ULK4: variants seen among roughly 807,000 people sequenced by gnomAD.
ULK4 encodes inactive serine/threonine-protein kinase ULK4.
ULK4 carries 133 observed loss-of-function variants against 160.6 expected under a neutral mutation model. That is an observed-to-expected ratio of 0.83 (90% CI 0.72 to 0.96). The LOEUF (loss-of-function observed/expected upper bound fraction) is 0.96, where lower values mean the gene tolerates loss of function less well. Ranked by LOEUF, ULK4 falls within the 40% of genes least tolerant of loss-of-function variation. ULK4 has a pLI of 0.00. For synonymous variants in ULK4, 534 were observed against 539.8 expected (o/e 0.99, Z 0.15); for missense variants, 1,580 against 1,499.5 (o/e 1.05, Z -0.89).
chr3:41,376,379 C>A (rs1052971118), intron 35 of ULK4, among the ~76,000 whole-genome samples: 9 of 150,012 alleles, frequency 6.0e-5, no homozygotes, highest in Non-Finnish European at 1.2e-4. Context: ...AACCCAAATG[C>A]CCATCAATGA....
At chr3:41,655,452 C>T (rs1264181685) in intron 30 of ULK4, among the ~76,000 whole-genome samples, 4 of 151,926 alleles carry the variant, frequency 2.6e-5, no homozygotes, top group Non-Finnish European at 5.9e-5. Context: ...GGGTGCAGCA[C>T]ACCAACATGG....
At chr3:41,615,894 AG>A in intron 30 of ULK4, among the ~76,000 whole-genome samples, 177 bp from the exon 31 acceptor site, 1 of 152,216 alleles carries the variant, frequency 6.6e-6, no homozygotes. Context: ...AAGAAATATG[AG>A]GCTTTTTTGC....
intron 18 of ULK4, among the ~76,000 whole-genome samples, chr3:41,824,507 C>A (rs111574393): frequency 6.6e-6 from 1 of 152,004 alleles, no homozygotes; most frequent in Non-Finnish European, 1.5e-5. Context: ...AACAGCACAC[C>A]AGGAGATTAT....
intron 32 of ULK4, among the ~76,000 whole-genome samples, chr3:41,527,099 C>T (rs550581196): frequency 6.6e-6 from 1 of 152,296 alleles, no homozygotes; most frequent in Non-Finnish European, 1.5e-5. Context: ...AAGACTTAAG[C>T]TCTATTTTTA....
In ULK4 at chr3:41,637,435, G is replaced by A. The variant is rs370650100; in HGVS notation, c.3072-21718C>T. On this transcript the variant is annotated intron_variant, in intron 30 of 36. Coordinates refer to ENST00000301831, the MANE Select transcript of ULK4 (RefSeq NM_017886.4). ...TATATCTACCACATTTTCTTTATTCGTTCATCTATTGATGGACATAGGTTG... is the reference window on the plus strand; with the variant it reads ...TATATCTACCACATTTTCTTTATTCATTCATCTATTGATGGACATAGGTTG... 9.9e-4 allele frequency among the ~76,000 whole-genome samples: 150 copies of A among 152,048 alleles called. 1 individual carries two copies. The highest frequency in any genetic ancestry group is 8.7e-3 in the South Asian group (42 of 4,818).
intron 30 of ULK4, among the ~76,000 whole-genome samples, chr3:41,632,258 T>A (rs1246026792): frequency 6.6e-6 from 1 of 152,186 alleles, no homozygotes; most frequent in Admixed American, 6.5e-5. Flanking sequence ...ACCACTAGAT[T>A]GTACCAGCAT....
chr3:41,364,830 T>C (rs1012538643), intron 35 of ULK4, among the ~76,000 whole-genome samples: 2 of 152,142 alleles, frequency 1.3e-5, no homozygotes, highest in African/African-American at 2.4e-5. Context: ...ATACAAATCT[T>C]TTTTACGGCT....
rs80302157 is a variant in ULK4, at chr3:41,631,601, T to A, written c.3072-15884A>T. 3.7e-3 allele frequency among the ~76,000 whole-genome samples: 560 copies of A among 152,304 alleles called. 3 individuals carry two copies. The East Asian group carries it at 0.04, about 11-fold the overall frequency. On this transcript the variant is annotated intron_variant, in intron 30 of 36. Transcript: ENST00000301831. ...ATGGAGATTTTAAATGTAAACAGAA[T>A]AGTTTTATGTTGCATTAATAACTTT...
intron 35 of ULK4, among the ~76,000 whole-genome samples, chr3:41,306,021 T>G (rs1461501171): frequency 1.4e-5 from 2 of 142,762 alleles, no homozygotes. Context: ...CCCCTCCGCC[T>G]GGCAGTCGCC....
intron 18 of ULK4, among the ~76,000 whole-genome samples, chr3:41,822,307 T>A (rs2041171673): frequency 6.6e-6 from 1 of 152,224 alleles, no homozygotes; most frequent in East Asian, 1.9e-4. Flanking sequence ...AAACTCTTCT[T>A]AATAACGGCC....
chr3:41,300,724 C>T (rs1386438029), intron 35 of ULK4, among the ~76,000 whole-genome samples: 4 of 150,890 alleles, frequency 2.7e-5, no homozygotes, highest in South Asian at 2.1e-4. Context: ...ATGGGGATAC[C>T]GTCCTAGCCA....
At chr3:41,793,379 T>C (rs796932213) in intron 20 of ULK4, among the ~76,000 whole-genome samples, 1 of 152,144 alleles carries the variant, frequency 6.6e-6, no homozygotes, top group South Asian at 2.1e-4. Context: ...GCATATCTGT[T>C]AGAAACATAT....
At chr3:41,697,983 A>G (rs2036556103) in intron 27 of ULK4, among the ~76,000 whole-genome samples, 1 of 152,104 alleles carries the variant, frequency 6.6e-6, no homozygotes. Context: ...TTTATACGGT[A>G]TTTTCACCAC....
intron 22 of ULK4, among the ~76,000 whole-genome samples, chr3:41,724,251 T>TAGGG (rs1312374250): frequency 5.3e-5 from 8 of 152,216 alleles, no homozygotes; most frequent in Admixed American, 2.0e-4. Context: ...AATTAATGAA[T>TAGGG]AGGGCTAAGC....
intron 1 of ULK4, among the ~76,000 whole-genome samples, chr3:41,960,491 T>C (rs754902400): frequency 1.3e-5 from 2 of 151,504 alleles, no homozygotes; most frequent in African/African-American, 2.4e-5. Context: ...GCCTCCAGAG[T>C]AGCCACCTCA....
intron 35 of ULK4, among the ~76,000 whole-genome samples, chr3:41,356,941 A>G (rs1487009637): frequency 6.6e-6 from 1 of 152,204 alleles, no homozygotes; most frequent in Non-Finnish European, 1.5e-5. Flanking sequence ...GGTGAAATAG[A>G]GAGGCTCAGG....
intron 22 of ULK4, among the ~76,000 whole-genome samples, chr3:41,726,390 T>C (rs1055710642): frequency 1.3e-5 from 2 of 152,208 alleles, no homozygotes; most frequent in Admixed American, 6.5e-5. Flanking sequence ...CTGACTTTAC[T>C]GACAAGAGAA....
In ULK4 at chr3:41,246,869, C is replaced by CTT. The variant is rs1315349503; in HGVS notation, c.*58_*59dup. ...GTGGCAAAGGTGTCTGGGAGCTGAC[C>CTT]TTGCTTATGCATCCGAGGGCTGGGG... On this transcript the variant is annotated 3_prime_UTR_variant, in exon 37 of 37. Transcript: ENST00000301831. 1 of 1,585,932 alleles carries CTT rather than the reference C, an allele frequency of 6.3e-7. No homozygotes were observed. Among genetic ancestry groups the CTT allele is most frequent in the African/African-American group, 1.3e-5 (1 of 74,474 alleles).
intron 32 of ULK4, among the ~76,000 whole-genome samples, chr3:41,535,601 T>C (rs576243348): frequency 1.2e-4 from 19 of 152,332 alleles, no homozygotes; most frequent in Non-Finnish European, 2.6e-4. Flanking sequence ...GTAGACTTCA[T>C]TCAGACCACA....
Sources: gnomAD v4.1 joint callset for allele counts (sites outside exome capture counted in the v4.1 genomes callset) on GRCh38, gnomAD v4.1.1 for gene constraint, MANE v1.5 for transcripts, NCBI Gene and HGNC (gene_info 2026-07-23, HGNC 2026-07-21) for gene names.